The following CACNA1E variants were observed in gnomAD, a reference collection of about 807,000 sequenced individuals.
CACNA1E encodes voltage-dependent R-type calcium channel subunit alpha-1E.
Under a neutral mutation model 259.2 loss-of-function variants are expected in CACNA1E, and 40 were observed. The ratio of observed to expected loss-of-function variants is 0.15; its 90% CI spans 0.12 to 0.20. CACNA1E has a LOEUF of 0.20. Ranked by LOEUF, CACNA1E falls within the 10% of genes least tolerant of loss-of-function variation. The probability of loss-of-function intolerance (pLI) is 1.00; values close to 1 mark genes in which losing one functional copy is unlikely to be tolerated. For missense variants in CACNA1E, 1,874 were observed against 3,040.1 expected (o/e 0.62, Z 9.02); for synonymous variants, 1,104 against 1,138.5 (o/e 0.97, Z 0.61).
intron 1 of CACNA1E, among the ~76,000 whole-genome samples, chr1:181,350,425 T>G (rs990834083): frequency 2.6e-5 from 4 of 152,166 alleles, no homozygotes; most frequent in Non-Finnish European, 5.9e-5. Flanking sequence ...CCTCCTCTTT[T>G]CTCCTGCTCT....
intron 2 of CACNA1E, among the ~76,000 whole-genome samples, chr1:181,443,609 C>T (rs917907146): frequency 2.6e-5 from 4 of 152,236 alleles, no homozygotes; most frequent in African/African-American, 7.2e-5. Flanking sequence ...CACCTCACTA[C>T]ACAGCTATAA....
At chr1:181,375,568 C>A (rs187727838) in intron 1 of CACNA1E, among the ~76,000 whole-genome samples, 5 of 152,154 alleles carry the variant, frequency 3.3e-5, no homozygotes, top group Admixed American at 1.3e-4. Flanking sequence ...AACAATTTTC[C>A]ATCGAATGTG....
At chr1:181,699,328 A>G (rs1652005543) in intron 7 of CACNA1E, among the ~76,000 whole-genome samples, 1 of 152,196 alleles carries the variant, frequency 6.6e-6, no homozygotes, top group African/African-American at 2.4e-5. Context: ...ATAGCTGAAC[A>G]AGGTAGCTTT....
At chr1:181,486,126 G>C (rs937272841) in intron 1 of CACNA1E, among the ~76,000 whole-genome samples, 3 of 152,252 alleles carry the variant, frequency 2.0e-5, no homozygotes, top group Admixed American at 2.0e-4. Flanking sequence ...GCAAGGTGCG[G>C]CTGTGAGTCT....
At chr1:181,434,923 C>G (rs922389069) in intron 2 of CACNA1E, among the ~76,000 whole-genome samples, 1 of 152,194 alleles carries the variant, frequency 6.6e-6, no homozygotes, top group African/African-American at 2.4e-5. Context: ...ACGTCTCTTC[C>G]CAGCTCCTTA....
chr1:181,772,291 C>T, intron 37 of CACNA1E, 60 bp downstream of exon 37: 1 of 1,519,882 alleles, frequency 6.6e-7, no homozygotes. Context: ...CCCTAACCCT[C>T]TGATACATAG....
chr1:181,781,390 AC>A (rs1660418405), intron 38 of CACNA1E, 36 bp from the exon 39 acceptor site: 2 of 1,049,124 alleles, frequency 1.9e-6, no homozygotes, highest in Non-Finnish European at 2.9e-6. Context: ...TGCCCCGCTA[AC>A]CCACCCCATC....
intron 7 of CACNA1E, among the ~76,000 whole-genome samples, chr1:181,659,779 T>C (rs1647438673): frequency 6.6e-6 from 1 of 152,208 alleles, no homozygotes; most frequent in Non-Finnish European, 1.5e-5. Flanking sequence ...GACAGTATCT[T>C]TATTTGGAAA....
At chr1:181,534,478 A>G (rs900091925) in intron 3 of CACNA1E, among the ~76,000 whole-genome samples, 2 of 152,154 alleles carry the variant, frequency 1.3e-5, no homozygotes, top group Non-Finnish European at 2.9e-5. Context: ...AATTGTATGG[A>G]CAAAGAATTC....
intron 7 of CACNA1E, among the ~76,000 whole-genome samples, chr1:181,686,284 T>C (rs1263102250): frequency 8.2e-6 from 1 of 122,542 alleles, no homozygotes; most frequent in East Asian, 2.1e-4. Flanking sequence ...AGTTTTTTTT[T>C]TTTTTTTTTT....
At chr1:181,595,552 C>A (rs564411477) in intron 6 of CACNA1E, among the ~76,000 whole-genome samples, 1 of 152,332 alleles carries the variant, frequency 6.6e-6, no homozygotes, top group African/African-American at 2.4e-5. Flanking sequence ...CTTCCCGGGT[C>A]TCCCACTCTC....
intron 6 of CACNA1E, among the ~76,000 whole-genome samples, chr1:181,585,009 G>C (rs1651911666): frequency 6.8e-6 from 1 of 148,014 alleles, no homozygotes. Flanking sequence ...GGAATAAACT[G>C]GTCCCCCCCC....
At chr1:181,778,890 G>A (rs1228871521) in intron 38 of CACNA1E, among the ~76,000 whole-genome samples, 2 of 152,226 alleles carry the variant, frequency 1.3e-5, no homozygotes, top group Admixed American at 1.3e-4. Context: ...AGCCCTTTGT[G>A]ATTTCCCTCA....
intron 3 of CACNA1E, among the ~76,000 whole-genome samples, chr1:181,548,226 G>A (rs998027894): frequency 6.6e-6 from 1 of 150,900 alleles, no homozygotes; most frequent in Non-Finnish European, 1.5e-5. Context: ...CCGGGCTCAA[G>A]CGATTCTCCT....
chr1:181,432,097 A>G (rs1659757437), intron 2 of CACNA1E, among the ~76,000 whole-genome samples: 1 of 152,202 alleles, frequency 6.6e-6, no homozygotes, highest in Non-Finnish European at 1.5e-5. Flanking sequence ...CCTACAGCCC[A>G]CCTAGTAACT....
intron 1 of CACNA1E, among the ~76,000 whole-genome samples, chr1:181,492,183 C>T (rs1039142857): frequency 2.0e-5 from 3 of 152,188 alleles, no homozygotes; most frequent in African/African-American, 7.2e-5. Context: ...CATTTTGTTA[C>T]ATGGAACTCT....
chr1:181,491,817 G>A (rs1203834156), intron 1 of CACNA1E, among the ~76,000 whole-genome samples: 1 of 152,230 alleles, frequency 6.6e-6, no homozygotes, highest in Non-Finnish European at 1.5e-5. Context: ...AGCACATGCT[G>A]GCACATGGTG....
intron 2 of CACNA1E, among the ~76,000 whole-genome samples, chr1:181,469,961 G>T (rs1198167473): frequency 6.6e-6 from 1 of 152,126 alleles, no homozygotes; most frequent in Non-Finnish European, 1.5e-5. Flanking sequence ...CAGCCAGAGG[G>T]TGAGGAGGGA....
chr1:181,441,360 C>T (rs1406368031), intron 2 of CACNA1E, among the ~76,000 whole-genome samples: 1 of 152,200 alleles, frequency 6.6e-6, no homozygotes. Context: ...CCATGTTGGT[C>T]AGGATGGTCT....
Sources: allele counts gnomAD v4.1 joint callset (sites outside exome capture counted in the v4.1 genomes callset), GRCh38; gene constraint gnomAD v4.1.1; transcripts MANE v1.5; gene names NCBI Gene and HGNC (gene_info 2026-07-23, HGNC 2026-07-21).